The following SLC24A2 variants were observed in gnomAD, a reference collection of about 807,000 sequenced individuals.
SLC24A2 encodes solute carrier family 24 member 2.
In SLC24A2, 36 loss-of-function variants were observed where a neutral mutation model predicts 62.0. The observed-to-expected ratio is 0.58, with a 90% confidence interval of 0.44 to 0.77. The LOEUF (loss-of-function observed/expected upper bound fraction) is 0.77, where lower values mean the gene tolerates loss of function less well. SLC24A2 is among the 30% of genes least tolerant of loss of function. SLC24A2 has a pLI of 0.00. For synonymous variants in SLC24A2, 358 were observed against 294.0 expected (o/e 1.22, Z -2.23); for missense variants, 846 against 817.9 (o/e 1.03, Z -0.42).
At chr9:19,846,196 A>C in the SLC24A2 span, among the ~76,000 whole-genome samples, 1 of 152,158 alleles carries the variant, frequency 6.6e-6, no homozygotes, top group South Asian at 2.1e-4. Context: ...GGGGTGTTGA[A>C]GTCACCCATT....
chr9:19,706,235 A>G (rs1820511513), intron 2 of SLC24A2, among the ~76,000 whole-genome samples: 1 of 149,452 alleles, frequency 6.7e-6, no homozygotes, highest in Admixed American at 6.7e-5. Context: ...AGTCTGTTTT[A>G]TCAGAGACTA....
At chr9:20,036,546 C>T in the SLC24A2 span, among the ~76,000 whole-genome samples, 2 of 152,230 alleles carry the variant, frequency 1.3e-5, no homozygotes, top group Admixed American at 6.5e-5. Flanking sequence ...TCTATGAGTT[C>T]AATTGTTTTA....
chr9:20,182,260 T>G, the SLC24A2 span, among the ~76,000 whole-genome samples: 7 of 152,186 alleles, frequency 4.6e-5, no homozygotes, highest in Admixed American at 4.6e-4. Context: ...AGAAATACCA[T>G]TTGACCCAGC....
At chr9:20,085,397 A>G in the SLC24A2 span, among the ~76,000 whole-genome samples, 2 of 152,222 alleles carry the variant, frequency 1.3e-5, no homozygotes, top group Non-Finnish European at 2.9e-5. Context: ...TTCTAATATG[A>G]AGGATAAAGG....
At chr9:19,569,334 T>A (rs964563338) in intron 7 of SLC24A2, among the ~76,000 whole-genome samples, 7 of 152,162 alleles carry the variant, frequency 4.6e-5, no homozygotes, top group Non-Finnish European at 4.4e-5. Flanking sequence ...TTACCTCACC[T>A]CCCTTTGTCT....
chr9:20,287,464 G>T, the SLC24A2 span, among the ~76,000 whole-genome samples: 2 of 152,290 alleles, frequency 1.3e-5, 1 homozygote, highest in East Asian at 3.9e-4. Context: ...GGGGTGGGTT[G>T]CAGGAAACCA....
chr9:20,007,879 C>CTTTTTTTTTTTTT, the SLC24A2 span, among the ~76,000 whole-genome samples: 5 of 39,542 alleles, frequency 1.3e-4, 2 homozygotes, highest in African/African-American at 5.6e-4. Context: ...TTACTCCTCT[C>CTTTTTTTTTTTTT]TTTTTTTTTT....
chr9:19,981,582 A>G, the SLC24A2 span, among the ~76,000 whole-genome samples: 9 of 152,310 alleles, frequency 5.9e-5, no homozygotes, highest in African/African-American at 2.2e-4. Flanking sequence ...TATACAATAA[A>G]GCTGCATAAC....
At chr9:20,119,830 C>A in the SLC24A2 span, among the ~76,000 whole-genome samples, 1 of 152,120 alleles carries the variant, frequency 6.6e-6, no homozygotes, top group East Asian at 1.9e-4. Context: ...TATTCAGAGA[C>A]AACAAAATTG....
At chr9:20,187,736 C>G in the SLC24A2 span, among the ~76,000 whole-genome samples, 1 of 152,178 alleles carries the variant, frequency 6.6e-6, no homozygotes, top group African/African-American at 2.4e-5. Flanking sequence ...TTTGCACCCA[C>G]GACATCTGAG....
At chr9:19,813,636 A>C in the SLC24A2 span, among the ~76,000 whole-genome samples, 286 of 152,034 alleles carry the variant, frequency 1.9e-3, 1 homozygote, top group African/African-American at 6.1e-3. Flanking sequence ...CTCTTTTCAA[A>C]ATTTAATCCT....
chr9:19,527,635 G>T (rs1256293714), intron 9 of SLC24A2, among the ~76,000 whole-genome samples: 1 of 152,186 alleles, frequency 6.6e-6, no homozygotes, highest in African/African-American at 2.4e-5. Flanking sequence ...GAAGCTCAAG[G>T]AAGAGGCTAT....
At chr9:20,155,071 A>G in the SLC24A2 span, among the ~76,000 whole-genome samples, 1 of 151,352 alleles carries the variant, frequency 6.6e-6, no homozygotes, top group African/African-American at 2.4e-5. Flanking sequence ...TCAAGGAAAG[A>G]AGGAAGGCAA....
At chr9:20,056,070 T>A in the SLC24A2 span, among the ~76,000 whole-genome samples, 4 of 152,290 alleles carry the variant, frequency 2.6e-5, 1 homozygote, top group Admixed American at 6.5e-5. Context: ...CTAGAAGACA[T>A]CTGCCTCAAA....
the SLC24A2 span, among the ~76,000 whole-genome samples, chr9:20,216,599 C>A: frequency 5.3e-5 from 8 of 152,220 alleles, no homozygotes; most frequent in East Asian, 1.9e-4. Flanking sequence ...TGGGTTCTGA[C>A]CCTCTTTTAT....
chr9:20,303,831 G>A, the SLC24A2 span, among the ~76,000 whole-genome samples: 1 of 152,192 alleles, frequency 6.6e-6, no homozygotes. Flanking sequence ...TGTGTTCCTA[G>A]TCTTTGCATC....
intron 9 of SLC24A2, 36 bp from the exon 10 acceptor site, chr9:19,521,096 T>A (rs1233062528): frequency 6.2e-7 from 1 of 1,608,482 alleles, no homozygotes; most frequent in African/African-American, 1.3e-5. Flanking sequence ...TCTCAGTGTT[T>A]GAAGTTACAA....
the SLC24A2 span, among the ~76,000 whole-genome samples, chr9:19,809,784 C>T: frequency 6.6e-6 from 1 of 152,128 alleles, no homozygotes; most frequent in Non-Finnish European, 1.5e-5. Context: ...TCGGACACCA[C>T]CTCCTCAAAC....
intron 2 of SLC24A2, among the ~76,000 whole-genome samples, chr9:19,650,756 A>T (rs1218533018): frequency 6.6e-6 from 1 of 152,138 alleles, no homozygotes; most frequent in Non-Finnish European, 1.5e-5. Flanking sequence ...ATACAGAAAC[A>T]AACAGCAACT....
Sources: gnomAD v4.1 joint callset for allele counts (sites outside exome capture counted in the v4.1 genomes callset) on GRCh38, gnomAD v4.1.1 for gene constraint, MANE v1.5 for transcripts, NCBI Gene and HGNC (gene_info 2026-07-23, HGNC 2026-07-21) for gene names.